MCF2: variants seen among roughly 807,000 people sequenced by gnomAD.
The protein encoded by MCF2 is MCF.2 cell line derived transforming sequence.
MCF2 carries 44 observed loss-of-function variants against 82.5 expected under a neutral mutation model. The ratio of observed to expected loss-of-function variants is 0.53; its 90% CI spans 0.42 to 0.69. MCF2 has a LOEUF of 0.69. MCF2 is among the 30% of genes least tolerant of loss of function. The probability of loss-of-function intolerance (pLI) is 0.00; values close to 1 mark genes in which losing one functional copy is unlikely to be tolerated. For synonymous variants in MCF2, 217 were observed against 224.9 expected (o/e 0.96, Z 0.32); for missense variants, 623 against 663.1 (o/e 0.94, Z 0.66).
intron 10 of MCF2, 67 bp from the exon 14 acceptor site, chrX:139,613,330 A>C: frequency 1.2e-6 from 1 of 821,921 alleles, no homozygotes; most frequent in African/African-American, 2.0e-5. Flanking sequence ...TACAAAACAA[A>C]ATGTGCTAAT....
In MCF2 at chrX:139,628,576, A is replaced by T. The variant is rs755975434; in HGVS notation, c.438+1119T>A. 4.5e-5 allele frequency among the ~76,000 whole-genome samples: 5 copies of T among 111,636 alleles called. No individual in the cohort carries two copies. In the East Asian group the frequency reaches 1.4e-3, roughly 32 times the overall value. Reference sequence around the variant, plus strand: ...CGTACACCAAACCTCAGCATCCCACAATTTATCCATGTAACAAACCTGCAC... The same window carrying T: ...CGTACACCAAACCTCAGCATCCCACTATTTATCCATGTAACAAACCTGCAC... On this transcript the variant is annotated intron_variant, in intron 4 of 24. Transcript: ENST00000370576.
intron 1 of MCF2, among the ~76,000 whole-genome samples, chrX:139,679,421 T>C (rs1222674007): frequency 8.9e-6 from 1 of 112,154 alleles, no homozygotes; most frequent in Non-Finnish European, 1.9e-5. Context: ...CACACAACTT[T>C]AACTTTTTTT....
chrX:139,668,778 C>T (rs956772114), intron 1 of MCF2, among the ~76,000 whole-genome samples: 5 of 111,317 alleles, frequency 4.5e-5, no homozygotes, highest in Non-Finnish European at 9.4e-5. Flanking sequence ...TCTCAAATGA[C>T]TTTTGACAAG....
chrX:139,643,719 G>T (rs953688002), upstream of MCF2, among the ~76,000 whole-genome samples: 1 of 110,244 alleles, frequency 9.1e-6, no homozygotes, highest in Non-Finnish European at 1.9e-5. Flanking sequence ...ATCACTCCCC[G>T]GTAGACAAGT....
intron 2 of MCF2, among the ~76,000 whole-genome samples, chrX:139,651,502 A>G (rs1003429228): frequency 1.8e-5 from 2 of 111,738 alleles, no homozygotes; most frequent in Admixed American, 1.9e-4. Context: ...TTTTACTCAT[A>G]TATCTAAAAT....
intron 1 of MCF2, among the ~76,000 whole-genome samples, chrX:139,665,926 T>TATATATATAC (rs1457804512): frequency 1.4e-5 from 1 of 73,252 alleles, no homozygotes; most frequent in Non-Finnish European, 2.2e-5. Context: ...TATATATATA[T>TATATATATAC]ACACACACAC....
intron 16 of MCF2, among the ~76,000 whole-genome samples, chrX:139,601,623 G>A (rs1161097430): frequency 9.0e-6 from 1 of 110,978 alleles, no homozygotes; most frequent in East Asian, 2.8e-4. Flanking sequence ...ACCAAACAAG[G>A]GAGGTAAACA....
chrX:139,631,842 A>T (rs779281802), intron 2 of MCF2, among the ~76,000 whole-genome samples: 2 of 111,764 alleles, frequency 1.8e-5, no homozygotes, highest in South Asian at 3.8e-4. Context: ...TTATGTAGTA[A>T]GTTATAATTT....
intron 19 of MCF2, among the ~76,000 whole-genome samples, chrX:139,594,894 A>T (rs1260872420): frequency 9.0e-6 from 1 of 111,172 alleles, no homozygotes; most frequent in Non-Finnish European, 1.9e-5. Context: ...AAAACAAATA[A>T]CCCCATCAAA....
intron 7 of MCF2, among the ~76,000 whole-genome samples, chrX:139,619,338 T>C (rs1932159527): frequency 1.8e-5 from 2 of 110,268 alleles, no homozygotes; most frequent in African/African-American, 3.3e-5. Context: ...GTTGTTATGA[T>C]GGGAGGAAGG....
At chrX:139,631,349 A>T (rs1433845118) in intron 3 of MCF2, 46 bp downstream of exon 6, 1 of 712,237 alleles carries the variant, frequency 1.4e-6, no homozygotes, top group South Asian at 3.4e-5. Context: ...TTTAAAGGCT[A>T]ACATGAAGAA....
intron 1 of MCF2, among the ~76,000 whole-genome samples, chrX:139,674,006 C>T (rs1308997684): frequency 9.0e-6 from 1 of 111,521 alleles, no homozygotes; most frequent in East Asian, 2.8e-4. Flanking sequence ...GTTCCTGTAT[C>T]GGGTGCATAT....
chrX:139,612,697 C>G (rs771202420), intron 10 of MCF2, among the ~76,000 whole-genome samples: 4 of 111,657 alleles, frequency 3.6e-5, no homozygotes, highest in African/African-American at 1.3e-4. Context: ...GTTATAATCC[C>G]TATTACTAAC....
intron 1 of MCF2, chrX:139,691,838 G>A (rs1603309273): frequency 1.2e-6 from 1 of 849,449 alleles, no homozygotes; most frequent in Non-Finnish European, 1.7e-6. Context: ...AGCCGGCCGG[G>A]CTGGGGAGGC....
chrX:139,677,313 T>G (rs1450719755), intron 1 of MCF2, among the ~76,000 whole-genome samples: 1 of 110,715 alleles, frequency 9.0e-6, no homozygotes, highest in African/African-American at 3.3e-5. Flanking sequence ...AGACCAAAGG[T>G]CAAACCATAC....
intron 2 of MCF2, among the ~76,000 whole-genome samples, chrX:139,651,334 CACCATTTGTAAT>C (rs1362452712): frequency 6.3e-5 from 7 of 110,739 alleles, no homozygotes; most frequent in Non-Finnish European, 1.1e-4. Flanking sequence ...TGCAACTTGC[CACCATTTGTAAT>C]ACACATTTGA....
At chrX:139,590,478 AT>A (rs1385174507) in intron 19 of MCF2, among the ~76,000 whole-genome samples, 1 of 108,754 alleles carries the variant, frequency 9.2e-6, no homozygotes, top group East Asian at 3.0e-4. Flanking sequence ...TAAAAAAAAA[AT>A]AATAATAATA....
chrX:139,623,377 T>A (rs1429160268), intron 6 of MCF2, among the ~76,000 whole-genome samples: 6 of 111,367 alleles, frequency 5.4e-5, no homozygotes. Flanking sequence ...TACAAATACA[T>A]CATGGAATAC....
intron 1 of MCF2, among the ~76,000 whole-genome samples, chrX:139,681,216 A>G: frequency 8.9e-6 from 1 of 112,556 alleles, no homozygotes; most frequent in Non-Finnish European, 1.9e-5. Context: ...CTTCCACTTA[A>G]CAATGGTACA....
Sources: allele counts gnomAD v4.1 joint callset (sites outside exome capture counted in the v4.1 genomes callset), GRCh38; gene constraint gnomAD v4.1.1; transcripts MANE v1.5; gene names NCBI Gene and HGNC (gene_info 2026-07-23, HGNC 2026-07-21).